MLYCD: variants seen among roughly 807,000 people sequenced by gnomAD.
The protein encoded by MLYCD is malonyl-CoA decarboxylase, mitochondrial.
A neutral mutation model predicts 35.8 loss-of-function variants in MLYCD; 27 were observed. That is an observed-to-expected ratio of 0.75 (90% CI 0.56 to 1.04). MLYCD has a LOEUF of 1.04. Ranked by LOEUF, MLYCD falls within the 50% of genes least tolerant of loss-of-function variation. The pLI, the probability that MLYCD is intolerant of heterozygous loss-of-function variation, is 0.00. For missense variants in MLYCD, 917 were observed against 665.1 expected, an observed-to-expected ratio of 1.38 and a Z score of -4.17; for synonymous variants, 403 against 302.4, an observed-to-expected ratio of 1.33 and a Z score of -3.45.
At chr16:83,914,141 A>C (rs2151059596) in intron 4 of MLYCD, 1 of 152,360 alleles carries the variant, frequency 6.6e-6, no homozygotes, top group Non-Finnish European at 1.5e-5. Context: ...TTTTTCAAAA[A>C]ATATCTATAG....
chr16:83,915,879 G>T lies in MLYCD; in HGVS notation c.*390G>T. Reference sequence around the variant, plus strand: ...CCTAAGGACCGGGGCGCGTGGCCCAGATAAGAATAGGTGTTCCTTTGTGCT... The same window carrying T: ...CCTAAGGACCGGGGCGCGTGGCCCATATAAGAATAGGTGTTCCTTTGTGCT... On this transcript the variant is annotated 3_prime_UTR_variant, in exon 5 of 5. Transcript: ENST00000262430. 8.6e-7 allele frequency: 1 copy of T among 1,164,310 alleles called. No homozygotes were observed. 72.1% of individuals were successfully genotyped at this position (1,164,310 alleles called of 1,614,324 possible). A position where few individuals can be genotyped will look rare whatever the true frequency, so the allele number is the denominator to read the frequency against.
intron 1 of MLYCD, among the ~76,000 whole-genome samples, chr16:83,905,503 T>C (rs1160455313): frequency 6.6e-6 from 1 of 152,194 alleles, no homozygotes; most frequent in Non-Finnish European, 1.5e-5. Context: ...TCTTTGGTGC[T>C]CTTGGTGGAT....
In MLYCD at chr16:83,908,283, G is replaced by T; in HGVS notation, c.798+1G>T. 1.2e-6 allele frequency: 2 copies of T among 1,614,010 alleles called. No homozygotes were observed. The highest frequency in any genetic ancestry group is 2.2e-5 in the East Asian group (1 of 44,882). ...TGGTGACATCTCCAGCAACATCCAG[G>T]TACCTGCGATGGTCAATTCGGGACA... On this transcript the variant is annotated splice_donor_variant, in intron 3 of 4. Coordinates refer to ENST00000262430, the MANE Select transcript of MLYCD (RefSeq NM_012213.3). LOFTEE classifies it high-confidence loss of function.
In MLYCD at chr16:83,926,252, GC is replaced by G. The variant is rs1162795669; in HGVS notation, c.*10766del. 1 of 152,388 alleles carries G rather than the reference GC, an allele frequency of 6.6e-6. No homozygotes were observed. Among genetic ancestry groups the G allele is most frequent in the Non-Finnish European group, 1.5e-5 (1 of 68,190 alleles). The allele number at this position is 152,388 out of a possible 1,614,324, so 9.4% of individuals were successfully genotyped here. A position where few individuals can be genotyped will look rare whatever the true frequency, so the allele number is the denominator to read the frequency against. On this transcript the variant is annotated 3_prime_UTR_variant, in exon 5 of 5. Transcript: ENST00000262430. ...GCCCACGAGATCTCACTTTCTCCAA[GC>G]CCAGCTCCCCAAGGACTCAGACCCC... is the stretch of plus-strand genomic sequence containing the variant.
In MLYCD at chr16:83,919,496, AACAC is replaced by A. The variant is rs769605791; in HGVS notation, c.*4011_*4014del. On this transcript the variant is annotated 3_prime_UTR_variant, in exon 5 of 5. Coordinates refer to ENST00000262430, the MANE Select transcript of MLYCD (RefSeq NM_012213.3). The stretch of plus-strand genomic sequence containing the variant: ...GGAGAACACACAGTGCACAGGAGAG[AACAC>A]ACAGTGCACAGAACACACAGGGCAC... 1 of 150,198 alleles carries A rather than the reference AACAC, an allele frequency of 6.7e-6. No individual in the cohort carries two copies. The highest frequency in any genetic ancestry group is 6.6e-5 in the Admixed American group (1 of 15,042). The allele number at this position is 150,198 out of a possible 1,614,324, so 9.3% of individuals were successfully genotyped here. A position where few individuals can be genotyped will look rare whatever the true frequency, so the allele number is the denominator to read the frequency against.
chr16:83,910,780 C>T (rs1408955679), intron 3 of MLYCD, among the ~76,000 whole-genome samples: 5 of 152,010 alleles, frequency 3.3e-5, no homozygotes, highest in African/African-American at 7.2e-5. Flanking sequence ...CCATAGAGCA[C>T]GGTGCAGGAC....
Position 83,915,560 on chromosome 16 carries a change from T to C in MLYCD, c.*71T>C, listed in dbSNP as rs1379989080. The C allele has an allele frequency of 8.2e-6, 13 of 1,577,780 alleles. No homozygotes were observed. Among genetic ancestry groups the C allele is most frequent in the African/African-American group, 2.7e-5 (2 of 74,606 alleles). ...CATTTTCAGGAGGGGCCGGGAGTTA[T>C]GTATCTGAAGCAGCTTTCCAAGCAA... On this transcript the variant is annotated 3_prime_UTR_variant, in exon 5 of 5. Coordinates refer to ENST00000262430, the MANE Select transcript of MLYCD (RefSeq NM_012213.3).
rs1436466718 is a variant in MLYCD at position 83,921,522 on chromosome 16, A to C, written c.*6033A>C. Reference sequence around the variant, plus strand: ...AGATGGATGGATGGGGGACAGATGAATTGATGGCGGAGGATGTTAGGATGG... The same window carrying C: ...AGATGGATGGATGGGGGACAGATGACTTGATGGCGGAGGATGTTAGGATGG... On this transcript the variant is annotated 3_prime_UTR_variant, in exon 5 of 5. Coordinates refer to ENST00000262430, the MANE Select transcript of MLYCD (RefSeq NM_012213.3). The C allele has an allele frequency of 6.6e-6, 1 of 151,992 alleles. No individual in the cohort carries two copies. The highest frequency in any genetic ancestry group is 1.5e-5 in the Non-Finnish European group (1 of 68,020). The allele number at this position is 151,992 out of a possible 1,614,324, so 9.4% of individuals were successfully genotyped here. A position where few individuals can be genotyped will look rare whatever the true frequency, so the allele number is the denominator to read the frequency against.
In MLYCD at chr16:83,903,946, C is replaced by T. The variant is rs148565839; in HGVS notation, c.529-3041C>T. Among the ~76,000 whole-genome samples the T allele has an allele frequency of 5.8e-4, 88 of 152,290 alleles. No individual in the cohort carries two copies. The Middle Eastern group carries it at 0.02, about 35-fold the overall frequency. On this transcript the variant is annotated intron_variant, in intron 1 of 4. Coordinates refer to ENST00000262430, the MANE Select transcript of MLYCD (RefSeq NM_012213.3). ...CCTGGTGGTGTTTGTATCCTGGCAA[C>T]GTTGCCGCGTGCTGTGGCTCATCCC...
intron 3 of MLYCD, among the ~76,000 whole-genome samples, chr16:83,909,647 G>A (rs1336686433): frequency 6.8e-6 from 1 of 146,928 alleles, no homozygotes. Context: ...TTGAAGCGGA[G>A]TTTCGCTCTT....
intron 3 of MLYCD, among the ~76,000 whole-genome samples, chr16:83,910,734 T>C (rs1907146436): frequency 6.6e-6 from 1 of 151,136 alleles, no homozygotes; most frequent in Non-Finnish European, 1.5e-5. Flanking sequence ...GGGAGTGATG[T>C]GAAGTGAGCT....
chr16:83,902,490 A>G (rs1906830844), intron 1 of MLYCD, among the ~76,000 whole-genome samples: 6 of 136,074 alleles, frequency 4.4e-5, no homozygotes, highest in South Asian at 2.4e-4. Flanking sequence ...GATCTGATCT[A>G]TTTTTTTAAT....
intron 4 of MLYCD, chr16:83,914,126 T>C (rs987818013): frequency 6.6e-6 from 1 of 152,272 alleles, no homozygotes; most frequent in African/African-American, 2.4e-5. Context: ...TCTTCTGTCA[T>C]TAATTTTTTC....
chr16:83,916,337 G>A lies in MLYCD; in HGVS notation c.*848G>A. The A allele has an allele frequency of 6.4e-6, 2 of 311,600 alleles. No homozygotes were observed. The highest frequency in any genetic ancestry group is 4.7e-6 in the Non-Finnish European group (1 of 212,332). 19.3% of individuals were successfully genotyped at this position (311,600 alleles called of 1,614,324 possible). A position where few individuals can be genotyped will look rare whatever the true frequency, so the allele number is the denominator to read the frequency against. On this transcript the variant is annotated 3_prime_UTR_variant, in exon 5 of 5. Transcript: ENST00000262430. ...AGGGGCAGTCATTGTGCTTGTGGGAGGAAGGCAGTTGTGTTTGTGTGTGTA... is the reference window on the plus strand; with the variant it reads ...AGGGGCAGTCATTGTGCTTGTGGGAAGAAGGCAGTTGTGTTTGTGTGTGTA...
chr16:83,909,582 T>C (rs568217419), intron 3 of MLYCD, among the ~76,000 whole-genome samples: 5 of 151,948 alleles, frequency 3.3e-5, no homozygotes, highest in Admixed American at 2.0e-4. Flanking sequence ...TTGTGTGTTA[T>C]TGCCCTGAGC....
At chr16:83,908,389 T>TA in intron 3 of MLYCD, 107 bp downstream of exon 3, 2 of 1,248,038 alleles carry the variant, frequency 1.6e-6, no homozygotes, top group Non-Finnish European at 2.2e-6. Flanking sequence ...TTTTTTTTTT[T>TA]AAATAAATGG....
intron 4 of MLYCD, 71 bp downstream of exon 4, chr16:83,912,438 G>T: frequency 6.3e-7 from 1 of 1,593,390 alleles, no homozygotes; most frequent in Admixed American, 1.7e-5. Flanking sequence ...CTCGTGGGGT[G>T]TCAGGTGCCA....
At position 83,899,398 on chromosome 16, in the gene MLYCD, CCGAACTGCTGGGCCGCCTGGCGCGGGG is replaced by C; in HGVS notation, c.256_282del (p.Glu86_Gly94del). 6.5e-7 allele frequency: 1 copy of C among 1,528,050 alleles called. No individual in the cohort carries two copies. Among genetic ancestry groups the C allele is most frequent in the South Asian group, 1.2e-5 (1 of 83,066 alleles). The allele number at this position is 1,528,050 out of a possible 1,614,324, so 94.7% of individuals were successfully genotyped here. ...GGGCTGGCCGAGACGGCCCAGCGGG[CCGAACTGCTGGGCCGCCTGGCGCGGGG>C]CTTCGGCGTGGACCACGGCCAGGTG... On this transcript the variant is annotated inframe_deletion, in exon 1 of 5. Transcript: ENST00000262430.
chr16:83,904,029 C>G (rs1906888476), intron 1 of MLYCD, among the ~76,000 whole-genome samples: 1 of 152,148 alleles, frequency 6.6e-6, no homozygotes, highest in Admixed American at 6.5e-5. Context: ...TAACCTTTAG[C>G]CTGGATTCCC....
Sources: gnomAD v4.1 joint callset for allele counts (sites outside exome capture counted in the v4.1 genomes callset) on GRCh38, gnomAD v4.1.1 for gene constraint, MANE v1.5 for transcripts, NCBI Gene and HGNC (gene_info 2026-07-23, HGNC 2026-07-21) for gene names.